The following RGS6 variants were observed in gnomAD, a reference collection of about 807,000 sequenced individuals.
RGS6 encodes the protein regulator of G protein signaling 6.
In RGS6, 30 loss-of-function variants were observed where a neutral mutation model predicts 78.5. The observed-to-expected ratio is 0.38, with a 90% CI of 0.29 to 0.52. The LOEUF is 0.52. Ranked by LOEUF, RGS6 falls within the 20% of genes least tolerant of loss-of-function variation. The pLI is 0.85. For missense variants in RGS6, 495 were observed against 609.7 expected (o/e 0.81, Z 1.98); for synonymous variants, 206 against 206.0 (o/e 1.00, Z 0.00).
the RGS6 span, among the ~76,000 whole-genome samples, chr14:72,588,289 G>A: frequency 6.6e-6 from 1 of 152,144 alleles, no homozygotes; most frequent in Non-Finnish European, 1.5e-5. Context: ...TCATTTGTGA[G>A]CATATCTGAG....
chr14:72,427,152 G>A (rs2153138427), intron 3 of RGS6, among the ~76,000 whole-genome samples: 1 of 152,270 alleles, frequency 6.6e-6, no homozygotes, highest in East Asian at 1.9e-4. Context: ...GTTATCCATG[G>A]TCAACCGTGG....
intron 2 of RGS6, among the ~76,000 whole-genome samples, chr14:72,175,687 A>G (rs1329330386): frequency 6.6e-6 from 1 of 152,242 alleles, no homozygotes; most frequent in Non-Finnish European, 1.5e-5. Flanking sequence ...GTGAGGCTCC[A>G]TTAGAGGTTC....
chr14:71,936,879 T>C (rs1444610593), intron 1 of RGS6, among the ~76,000 whole-genome samples: 1 of 152,252 alleles, frequency 6.6e-6, no homozygotes, highest in Non-Finnish European at 1.5e-5. Flanking sequence ...GATGACTACC[T>C]TCTTCTACCC....
upstream of RGS6, among the ~76,000 whole-genome samples, chr14:71,927,616 TCGTGA>T (rs2152920178): frequency 6.6e-6 from 1 of 152,258 alleles, no homozygotes; most frequent in Non-Finnish European, 1.5e-5. Context: ...TCATTAGAAA[TCGTGA>T]CTTATCAGGT....
chr14:72,375,123 T>C (rs2084372846), intron 3 of RGS6, among the ~76,000 whole-genome samples: 1 of 151,924 alleles, frequency 6.6e-6, no homozygotes, highest in Admixed American at 6.6e-5. Flanking sequence ...AAGAAGAGAG[T>C]GATAAATTCT....
intron 3 of RGS6, among the ~76,000 whole-genome samples, chr14:72,360,134 G>A (rs1405639859): frequency 6.6e-6 from 1 of 152,126 alleles, no homozygotes; most frequent in African/African-American, 2.4e-5. Context: ...ACTTCAAGGA[G>A]TTATATCAAA....
intron 17 of RGS6, among the ~76,000 whole-genome samples, chr14:72,546,376 G>A (rs1465052700): frequency 6.6e-6 from 1 of 152,300 alleles, no homozygotes; most frequent in African/African-American, 2.4e-5. Flanking sequence ...GTACAGAGAA[G>A]ACAAAGTGGC....
chr14:72,305,517 A>T (rs1199619791), intron 2 of RGS6, among the ~76,000 whole-genome samples: 1 of 152,180 alleles, frequency 6.6e-6, no homozygotes, highest in Non-Finnish European at 1.5e-5. Context: ...AAATATTTCA[A>T]ACTTTGTCAT....
intron 2 of RGS6, among the ~76,000 whole-genome samples, chr14:72,227,744 T>C (rs1276383360): frequency 6.6e-6 from 1 of 152,192 alleles, no homozygotes; most frequent in Non-Finnish European, 1.5e-5. Context: ...TATGACTTCT[T>C]CCGTTTAACT....
At chr14:71,959,473 C>T (rs2093035738) in intron 1 of RGS6, among the ~76,000 whole-genome samples, 2 of 152,214 alleles carry the variant, frequency 1.3e-5, no homozygotes, top group Admixed American at 1.3e-4. Flanking sequence ...AGTTTGATTG[C>T]TTCTCCTACA....
the RGS6 span, among the ~76,000 whole-genome samples, chr14:71,880,924 C>T: frequency 6.6e-6 from 1 of 152,226 alleles, no homozygotes; most frequent in African/African-American, 2.4e-5. Context: ...GCCATAGACA[C>T]TCAATGCCAG....
intron 2 of RGS6, among the ~76,000 whole-genome samples, chr14:72,236,911 G>A (rs901154281): frequency 1.3e-5 from 2 of 152,178 alleles, no homozygotes; most frequent in East Asian, 3.9e-4. Context: ...CTTCCCAGAC[G>A]GGGCGGCGGC....
At chr14:72,190,489 A>G (rs913305577) in intron 2 of RGS6, among the ~76,000 whole-genome samples, 1 of 152,190 alleles carries the variant, frequency 6.6e-6, no homozygotes, top group Non-Finnish European at 1.5e-5. Flanking sequence ...GGACAGGAAG[A>G]GGCCCATTGG....
intron 2 of RGS6, among the ~76,000 whole-genome samples, chr14:72,231,689 C>T (rs539970200): frequency 6.6e-6 from 1 of 152,308 alleles, no homozygotes; most frequent in Non-Finnish European, 1.5e-5. Context: ...GAAACCCTTT[C>T]GGATAAAGTG....
At chr14:72,176,305 A>G (rs780534254) in intron 2 of RGS6, among the ~76,000 whole-genome samples, 18 of 152,172 alleles carry the variant, frequency 1.2e-4, no homozygotes, top group Non-Finnish European at 2.2e-4. Flanking sequence ...GGGAGATGAC[A>G]TGGGGCATAC....
At chr14:72,172,016 C>T (rs2097027818) in intron 2 of RGS6, among the ~76,000 whole-genome samples, 3 of 152,064 alleles carry the variant, frequency 2.0e-5, no homozygotes, top group African/African-American at 7.2e-5. Flanking sequence ...CTTGGTCATT[C>T]CCTAAGGTGT....
the RGS6 span, among the ~76,000 whole-genome samples, chr14:71,883,040 TC>T: frequency 6.6e-6 from 1 of 152,244 alleles, no homozygotes; most frequent in South Asian, 2.1e-4. Flanking sequence ...AGTCAGTGTT[TC>T]CTTTTTCAGG....
chr14:71,909,324 G>A, the RGS6 span, among the ~76,000 whole-genome samples: 1 of 152,166 alleles, frequency 6.6e-6, no homozygotes, highest in Non-Finnish European at 1.5e-5. Flanking sequence ...ACCTGCTCTT[G>A]GGGTCTGTAT....
At chr14:72,138,560 C>A (rs2096487932) in intron 2 of RGS6, among the ~76,000 whole-genome samples, 1 of 149,936 alleles carries the variant, frequency 6.7e-6, no homozygotes, top group South Asian at 2.1e-4. Context: ...GCACAGGAGA[C>A]CAGGGGTCTC....
Sources: gnomAD v4.1 joint callset for allele counts (sites outside exome capture counted in the v4.1 genomes callset) on GRCh38, gnomAD v4.1.1 for gene constraint, MANE v1.5 for transcripts, NCBI Gene and HGNC (gene_info 2026-07-23, HGNC 2026-07-21) for gene names.